The following ERO1A variants were observed in gnomAD, a reference collection of about 807,000 sequenced individuals.
ERO1A encodes endoplasmic reticulum oxidoreductase 1 alpha, also known as ERO1-like protein alpha.
In ERO1A, 49 loss-of-function variants were observed where a neutral mutation model predicts 76.9. The ratio of observed to expected loss-of-function variants is 0.64; its 90% confidence interval spans 0.51 to 0.81. The LOEUF (loss-of-function observed/expected upper bound fraction) is 0.81. Among genes scored for constraint, ERO1A ranks in the 30% least tolerant of loss-of-function variants. The pLI is 0.00. For synonymous variants in ERO1A, 174 were observed against 181.2 expected (o/e 0.96, Z 0.32); for missense variants, 448 against 542.1 (o/e 0.83, Z 1.72).
chr14:52,653,826 A>G (rs2039955862), intron 11 of ERO1A, among the ~76,000 whole-genome samples: 1 of 152,030 alleles, frequency 6.6e-6, no homozygotes, highest in Non-Finnish European at 1.5e-5. Flanking sequence ...ACATTTAAAA[A>G]AATTTGTTAT....
chr14:52,661,399 T>A, intron 8 of ERO1A, 95 bp from the exon 9 acceptor site: 3 of 985,826 alleles, frequency 3.0e-6, no homozygotes, highest in Non-Finnish European at 4.3e-6. Context: ...TTAATAATGG[T>A]TAGTTTTAGT....
intron 8 of ERO1A, 98 bp from the exon 9 acceptor site, chr14:52,661,402 G>A: frequency 1.0e-6 from 1 of 954,166 alleles, no homozygotes; most frequent in Non-Finnish European, 1.5e-6. Flanking sequence ...ATAATGGTTA[G>A]TTTTAGTCCA....
intron 1 of ERO1A, among the ~76,000 whole-genome samples, chr14:52,692,097 A>G (rs2041372766): frequency 6.6e-6 from 1 of 152,254 alleles, no homozygotes; most frequent in South Asian, 2.1e-4. Context: ...TGGCTTGCTA[A>G]GCAGAATAAT....
chr14:52,658,294 T>C (rs911437201), intron 9 of ERO1A, 144 bp from the exon 10 acceptor site: 4 of 613,194 alleles, frequency 6.5e-6, no homozygotes, highest in Non-Finnish European at 1.1e-5. Context: ...TTAATTGCAA[T>C]TTCTCGAAAG....
rs2040731784 is a variant in ERO1A at position 52,675,019 on chromosome 14, TAAG to T, written c.358-3151_358-3149del. ...TTTACTTTGAAATGCATCCGAAAAA[TAAG>T]ATGTTCTAATGGATGGCTACAAGGA... On this transcript the variant is annotated intron_variant, in intron 4 of 15. Transcript: ENST00000395686. Among the ~76,000 whole-genome samples, 3 of 152,016 alleles carry T rather than the reference TAAG, an allele frequency of 2.0e-5. No individual in the cohort carries two copies. In the South Asian group the frequency reaches 6.2e-4, roughly 32 times the overall value.
At chr14:52,645,221 T>G (rs955601008) in intron 15 of ERO1A, among the ~76,000 whole-genome samples, 2 of 152,090 alleles carry the variant, frequency 1.3e-5, no homozygotes, top group Admixed American at 6.5e-5. Context: ...TTTAAGCAAT[T>G]TTTAATGTAC....
intron 11 of ERO1A, among the ~76,000 whole-genome samples, chr14:52,654,518 C>G (rs2039978951): frequency 6.6e-6 from 1 of 152,050 alleles, no homozygotes; most frequent in South Asian, 2.1e-4. Flanking sequence ...CTTCAGAAGT[C>G]ATGAGGATGT....
chr14:52,653,177 G>T lies in ERO1A; in HGVS notation c.947C>A (p.Ser316Tyr). Residue 316 changes from serine to tyrosine, a missense_variant, in exon 12 of 16, where the codon TCC becomes TAC. Physicochemically the swap from Ser to Tyr is moderately radical, Grantham distance 144 (BLOSUM62 -2). Around this residue, in one of 2 missense-constraint regions of ERO1A, gnomAD observed 302 missense variants for 411.9 expected, o/e 0.73. Coordinates refer to ENST00000395686, the MANE Select transcript of ERO1A (RefSeq NM_014584.3). The stretch of plus-strand genomic sequence containing the variant: ...GCGCTCGAAGAATGGTAACACTTTG[G>T]ATAAAGCCCTTAGTTCTATTAAGTA... ...FLYLIELRAL[S>Y]KVLPFFERPD... 1.9e-6 allele frequency: 3 copies of T among 1,613,612 alleles called. No individual in the cohort carries two copies. The highest frequency in any genetic ancestry group is 2.5e-6 in the Non-Finnish European group (3 of 1,179,768).
intron 4 of ERO1A, among the ~76,000 whole-genome samples, chr14:52,674,931 T>A (rs1293565650): frequency 6.6e-6 from 1 of 152,232 alleles, no homozygotes; most frequent in African/African-American, 2.4e-5. Context: ...ATAATATACT[T>A]CTACTTACAT....
chr14:52,676,132 C>A (rs1039466547), intron 4 of ERO1A, among the ~76,000 whole-genome samples: 2 of 152,174 alleles, frequency 1.3e-5, no homozygotes, highest in Non-Finnish European at 2.9e-5. Context: ...ATCTTTTGTG[C>A]AAGTTACATA....
intron 12 of ERO1A, among the ~76,000 whole-genome samples, chr14:52,652,576 A>G (rs1307474798): frequency 6.6e-6 from 1 of 152,202 alleles, no homozygotes; most frequent in Non-Finnish European, 1.5e-5. Context: ...TTAAAACTAA[A>G]AATGTGTGCC....
chr14:52,659,637 GTTA>G (rs1050852939), intron 9 of ERO1A, among the ~76,000 whole-genome samples: 2 of 151,894 alleles, frequency 1.3e-5, no homozygotes, highest in African/African-American at 2.4e-5. Context: ...CTGGCACAGA[GTTA>G]TTATTATTAA....
At chr14:52,651,155 T>C (rs1279645090) in intron 13 of ERO1A, among the ~76,000 whole-genome samples, 1 of 148,984 alleles carries the variant, frequency 6.7e-6, no homozygotes, top group African/African-American at 2.5e-5. Context: ...GATATGTGCC[T>C]GTGGTCCCAG....
chr14:52,669,888 T>C (rs1014152642), intron 6 of ERO1A, among the ~76,000 whole-genome samples: 2 of 152,226 alleles, frequency 1.3e-5, no homozygotes, highest in African/African-American at 2.4e-5. Flanking sequence ...CTTTGGCTTA[T>C]AATTAAAAGA....
chr14:52,657,989 C>T lies in ERO1A; in HGVS notation c.736G>A (p.Ala246Thr). Residue 246 changes from alanine to threonine, a missense_variant, in exon 11 of 16, where the codon GCA becomes ACA. Coordinates refer to ENST00000395686, the MANE Select transcript of ERO1A (RefSeq NM_014584.3). Reference protein sequence around the residue: ...WLEGLCVEKRAFYRLISGLHA... With the variant: ...WLEGLCVEKRTFYRLISGLHA... ...AGGCCAGATATAAGTCTGTAGAATG[C>T]TCTTTTTTCTACACAGAGACCTAAG... The T allele has an allele frequency of 6.8e-6, 11 of 1,610,538 alleles. No homozygotes were observed. The highest frequency in any genetic ancestry group is 9.3e-6 in the Non-Finnish European group (11 of 1,178,018).
chr14:52,676,200 C>T (rs1566644049), intron 4 of ERO1A, among the ~76,000 whole-genome samples: 1 of 128,010 alleles, frequency 7.8e-6, no homozygotes, highest in Non-Finnish European at 1.8e-5. Context: ...ATAAAACATG[C>T]ACTTCCTTTT....
Position 52,689,725 on chromosome 14 carries a change from G to C in ERO1A, c.114+5643C>G, listed in dbSNP as rs185057260. ...CCCATACCACCCAAAGTGTTCTGCAGATTCAATGCAATTTCTATCAAAACT... is the reference window on the plus strand; with the variant it reads ...CCCATACCACCCAAAGTGTTCTGCACATTCAATGCAATTTCTATCAAAACT... On this transcript the variant is annotated intron_variant, in intron 1 of 15. Coordinates refer to ENST00000395686, the MANE Select transcript of ERO1A (RefSeq NM_014584.3). Among the ~76,000 whole-genome samples the C allele has an allele frequency of 9.6e-4, 146 of 152,176 alleles. 2 individuals carry two copies. The highest frequency in any genetic ancestry group is 9.4e-3 in the Admixed American group (143 of 15,270).
intron 9 of ERO1A, among the ~76,000 whole-genome samples, chr14:52,660,752 T>C (rs2040204524): frequency 6.6e-6 from 1 of 152,226 alleles, no homozygotes; most frequent in South Asian, 2.1e-4. Context: ...CTTTTCATAT[T>C]GTTAAGCATA....
At chr14:52,671,959 ATTTTT>A (rs947824239) in intron 4 of ERO1A, 88 bp from the exon 5 acceptor site, 5 of 903,586 alleles carry the variant, frequency 5.5e-6, no homozygotes, top group Non-Finnish European at 8.4e-6. Flanking sequence ...AGCTCTTTTT[ATTTTT>A]TTTATTTTTC....
Sources: gnomAD v4.1 joint callset for allele counts (sites outside exome capture counted in the v4.1 genomes callset) on GRCh38, gnomAD v4.1.1 for gene constraint, gnomAD v4.1.1 regional missense constraint, MANE v1.5 for transcripts, NCBI Gene and HGNC (gene_info 2026-07-23, HGNC 2026-07-21) for gene names.